The following NMI variants were observed in gnomAD, a reference collection of about 807,000 sequenced individuals.
NMI encodes N-myc and STAT interactor.
NMI carries 39 observed loss-of-function variants against 34.3 expected under a neutral mutation model. That is an observed-to-expected ratio of 1.14 (90% CI 0.88 to 1.49). NMI has a LOEUF of 1.49. Ranked by LOEUF, NMI falls within the 40% of genes most tolerant of loss-of-function variation. The pLI is 0.00. For missense variants in NMI, 339 were observed against 358.1 expected (o/e 0.95, Z 0.43); for synonymous variants, 113 against 120.3 (o/e 0.94, Z 0.40).
rs759199849 is a variant in NMI at position 151,275,598 on chromosome 2, T to C, written c.520A>G (p.Arg174Gly). 4.3e-6 allele frequency: 7 copies of C among 1,614,080 alleles called. No homozygotes were observed. The Admixed American group carries it at 1.2e-4, about 27-fold the overall frequency. ...GAAAAGCTCAGCTCTAGTTTGTCTC[T>C]CATTTGATCTTCACGCAATGTGTCA... is the stretch of plus-strand genomic sequence containing the variant. ...IPDTLREDQM[R>G]DKLELSFSKS... is the part of the protein sequence containing the mutation. The change falls in exon 6 of 8, where the codon AGA becomes GGA. Residue 174 changes from arginine (R) to glycine (G), a missense_variant. Coordinates refer to ENST00000243346, the MANE Select transcript of NMI (RefSeq NM_004688.3).
At position 151,274,514 on chromosome 2, in the gene NMI, C is replaced by T. The variant is rs1324881249; in HGVS notation, c.634+970G>A. The stretch of plus-strand genomic sequence containing the variant: ...TTTTTGAGACGGAGTCTCACTCTGT[C>T]GCCCAAGCTGGAGTGCAGTGGCGTA... On this transcript the variant is annotated intron_variant, in intron 6 of 7. Transcript: ENST00000243346. Among the ~76,000 whole-genome samples the T allele has an allele frequency of 7.5e-5, 11 of 147,590 alleles. 1 individual carries two copies. Among genetic ancestry groups the T allele is most frequent in the South Asian group, 2.1e-4 (1 of 4,678 alleles).
intron 1 of NMI, among the ~76,000 whole-genome samples, chr2:151,288,579 G>A (rs532871611): frequency 6.6e-6 from 1 of 150,924 alleles, no homozygotes; most frequent in Non-Finnish European, 1.5e-5. Context: ...GTGTGTGTGT[G>A]TGTGTGTGCG....
In NMI at chr2:151,270,742, A is replaced by C. The variant is rs1558873258; in HGVS notation, c.875T>G (p.Val292Gly). 6.2e-7 allele frequency: 1 copy of C among 1,614,034 alleles called. No homozygotes were observed. Among genetic ancestry groups the C allele is most frequent in the Admixed American group, 1.7e-5 (1 of 60,012 alleles). Residue 292 changes from valine (V) to glycine (G), a missense_variant, in exon 8 of 8, where the codon GTG becomes GGG. Physicochemically the swap from Val to Gly is moderately radical, Grantham distance 109. Coordinates refer to ENST00000243346, the MANE Select transcript of NMI (RefSeq NM_004688.3). Reference protein sequence around the residue: ...RAKNGGGEVDVVKCSLGQPHI... With the variant: ...RAKNGGGEVDGVKCSLGQPHI... ...AGGTTGACCTAGAGAACACTTGACC[A>C]CATCTACTTCTCCACCTCCATTCTT...
Position 151,281,947 on chromosome 2 carries a change from C to T in NMI, c.177+1G>A, listed in dbSNP as rs749056800. On this transcript the variant is annotated splice_donor_variant, in intron 3 of 7. Coordinates refer to ENST00000243346, the MANE Select transcript of NMI (RefSeq NM_004688.3). LOFTEE classifies it high-confidence loss of function. ...AGTATATAAAATAATTAAGAGAGTA[C>T]CTGGAATTCTTTGGTAGCCTCTTGT... 2.3e-5 allele frequency: 33 copies of T among 1,428,726 alleles called. No individual in the cohort carries two copies. The highest frequency in any genetic ancestry group is 2.8e-5 in the Non-Finnish European group (29 of 1,018,802). 88.5% of individuals were successfully genotyped at this position (1,428,726 alleles called of 1,614,324 possible).
chr2:151,288,634 A>G (rs995279650), intron 1 of NMI, among the ~76,000 whole-genome samples: 1 of 152,026 alleles, frequency 6.6e-6, no homozygotes, highest in African/African-American at 2.4e-5. Context: ...AAGCCATGTA[A>G]TTTGTTATGG....
intron 1 of NMI, among the ~76,000 whole-genome samples, chr2:151,284,741 G>T (rs536425966): frequency 6.6e-5 from 10 of 152,230 alleles, no homozygotes; most frequent in African/African-American, 2.4e-4. Flanking sequence ...ATGGGACAAA[G>T]GATATCATGA....
At chr2:151,282,351 G>A (rs780016306) in intron 2 of NMI, among the ~76,000 whole-genome samples, 7 of 152,208 alleles carry the variant, frequency 4.6e-5, no homozygotes, top group Non-Finnish European at 1.0e-4. Context: ...TATTACTTCA[G>A]TGCTGCATCA....
intron 1 of NMI, among the ~76,000 whole-genome samples, chr2:151,284,368 G>A (rs1008373840): frequency 2.6e-5 from 4 of 151,700 alleles, no homozygotes; most frequent in African/African-American, 7.3e-5. Flanking sequence ...GCATGAACAC[G>A]GCTCACTGCA....
chr2:151,270,709 G>A lies in NMI; in HGVS notation c.908C>T (p.Ala303Val). ...VKCSLGQPHI[A>V]YFEE Reference sequence around the variant, plus strand: ...CTGTTAAGTCTATTCTTCAAAGTATGCTATGTGAGGTTGACCTAGAGAACA... The same window carrying A: ...CTGTTAAGTCTATTCTTCAAAGTATACTATGTGAGGTTGACCTAGAGAACA... The change falls in exon 8 of 8, where the codon GCA (alanine) becomes GTA (valine). Residue 303 changes from alanine (A) to valine (V), a missense_variant. Transcript: ENST00000243346. The A allele has an allele frequency of 6.2e-7, 1 of 1,613,098 alleles. No individual in the cohort carries two copies. Among genetic ancestry groups the A allele is most frequent in the Non-Finnish European group, 8.5e-7 (1 of 1,179,374 alleles).
intron 3 of NMI, among the ~76,000 whole-genome samples, chr2:151,281,197 T>C (rs1160169406): frequency 1.3e-5 from 2 of 152,172 alleles, no homozygotes; most frequent in African/African-American, 4.8e-5. Flanking sequence ...GAAAATTATG[T>C]ACAATTAAAA....
rs775495916 is a variant in NMI at position 151,282,913 on chromosome 2, AAG to A, written c.34_35del (p.Leu12Ter). On this transcript the variant is annotated frameshift_variant, in exon 2 of 8. Transcript: ENST00000243346. LOFTEE classifies it high-confidence loss of function. ...TAAATTCATCTGGCGAATGCTCCTT[AAG>A]AATTTGTTGTGTGTCATCTTTATCA... ...EADKDDTQQI[L>X]KEHSPDEFIK... is the part of the protein sequence containing the mutation. The A allele has an allele frequency of 3.9e-6, 6 of 1,534,310 alleles. No individual in the cohort carries two copies. Among genetic ancestry groups the A allele is most frequent in the Non-Finnish European group, 4.4e-6 (5 of 1,136,474 alleles).
intron 1 of NMI, among the ~76,000 whole-genome samples, chr2:151,283,262 C>T (rs1683440212): frequency 6.6e-6 from 1 of 152,014 alleles, no homozygotes; most frequent in African/African-American, 2.4e-5. Context: ...TGTCTCAAGC[C>T]TCCCAAGTAG....
At chr2:151,280,741 CAG>C (rs1330633244) in intron 3 of NMI, among the ~76,000 whole-genome samples, 3 of 152,186 alleles carry the variant, frequency 2.0e-5, no homozygotes, top group Admixed American at 6.5e-5. Context: ...AGAATCTTAA[CAG>C]AGTCTTCTGC....
chr2:151,286,686 T>C (rs1683503957), intron 1 of NMI, among the ~76,000 whole-genome samples: 1 of 152,208 alleles, frequency 6.6e-6, no homozygotes, highest in Non-Finnish European at 1.5e-5. Context: ...CTGAAGTCTG[T>C]CAACAAACCT....
Position 151,271,013 on chromosome 2 carries a change from A to G in NMI, c.742-138T>C, listed in dbSNP as rs769121898. 20 of 713,726 alleles carry G rather than the reference A, an allele frequency of 2.8e-5. No homozygotes were observed. In the South Asian group the frequency reaches 3.8e-4, roughly 14 times the overall value. The allele number at this position is 713,726 out of a possible 1,614,324, so 44.2% of individuals were successfully genotyped here. A position where few individuals can be genotyped will look rare whatever the true frequency, so the allele number is the denominator to read the frequency against. ...ATCTTAGGAAGATTTTCCAAGCAAG[A>G]GAATATCCAAGTCAGATCTGAGTTT... On this transcript the variant is annotated intron_variant, in intron 7 of 7. Transcript: ENST00000243346.
Position 151,282,024 on chromosome 2 carries a change from G to A in NMI, c.101C>T (p.Thr34Ile), listed in dbSNP as rs1406318181. The A allele has an allele frequency of 6.7e-7, 1 of 1,487,676 alleles. No homozygotes were observed. Among genetic ancestry groups the A allele is most frequent in the East Asian group, 2.3e-5 (1 of 44,182 alleles). The allele number at this position is 1,487,676 out of a possible 1,614,324, so 92.2% of individuals were successfully genotyped here. The change falls in exon 3 of 8, where the codon ACA (threonine) becomes ATA (isoleucine). Residue 34 changes from threonine to isoleucine, a missense_variant. Thr to Ile is a moderately conservative substitution (Grantham distance 89). Coordinates refer to ENST00000243346, the MANE Select transcript of NMI (RefSeq NM_004688.3). ...EQNKGLIDEI[T>I]KKNIQLKKEI... ...CTTCTTTAGTTGAATATTTTTCTTT[G>A]TAATTTCATCAATTAGTCCCTTAAA...
intron 1 of NMI, among the ~76,000 whole-genome samples, chr2:151,287,939 T>C (rs549269007): frequency 2.6e-5 from 4 of 152,362 alleles, no homozygotes; most frequent in Admixed American, 2.0e-4. Context: ...ATTTAATTGC[T>C]TTTTATTTTT....
intron 3 of NMI, 58 bp downstream of exon 3, chr2:151,281,890 T>G: frequency 1.2e-6 from 1 of 858,686 alleles, no homozygotes; most frequent in East Asian, 2.5e-5. Flanking sequence ...TTAAAATGCT[T>G]TTTCCAAAAA....
intron 5 of NMI, 38 bp from the exon 6 acceptor site, chr2:151,275,708 G>A (rs1344732426): frequency 6.2e-7 from 1 of 1,609,760 alleles, no homozygotes; most frequent in East Asian, 2.2e-5. Context: ...ATGGATGAGA[G>A]AAGTGCTTGT....
Sources: allele counts gnomAD v4.1 joint callset (sites outside exome capture counted in the v4.1 genomes callset), GRCh38; gene constraint gnomAD v4.1.1; transcripts MANE v1.5; gene names NCBI Gene and HGNC (gene_info 2026-07-23, HGNC 2026-07-21).